The following RCAN2 variants were observed in gnomAD, a reference collection of about 807,000 sequenced individuals.
RCAN2 encodes the protein calcipressin-2.
Under a neutral mutation model 23.6 loss-of-function variants are expected in RCAN2, and 9 were observed. The observed-to-expected ratio is 0.38, with a 90% CI of 0.23 to 0.67. The LOEUF is 0.67. Among genes scored for constraint, RCAN2 ranks in the 30% least tolerant of loss-of-function variants. RCAN2 has a pLI of 0.51. For synonymous variants in RCAN2, 109 were observed against 115.7 expected (o/e 0.94, Z 0.37); for missense variants, 273 against 302.3 (o/e 0.90, Z 0.72).
At chr6:46,453,315 T>C (rs1419863050) in intron 2 of RCAN2, among the ~76,000 whole-genome samples, 1 of 152,254 alleles carries the variant, frequency 6.6e-6, no homozygotes, top group Non-Finnish European at 1.5e-5. Context: ...TGGTTTCAGA[T>C]GCCAATTTCC....
intron 2 of RCAN2, among the ~76,000 whole-genome samples, chr6:46,342,543 C>A (rs894604867): frequency 8.4e-5 from 6 of 71,504 alleles, no homozygotes; most frequent in Admixed American, 3.2e-4. Flanking sequence ...TAGGGTGAGA[C>A]CCTGTCTCTT....
chr6:46,280,658 AAT>A (rs1487626718), intron 2 of RCAN2, among the ~76,000 whole-genome samples: 2 of 152,230 alleles, frequency 1.3e-5, no homozygotes, highest in African/African-American at 4.8e-5. Flanking sequence ...AGCCTTGGAG[AAT>A]ACTGCCAAGA....
intron 2 of RCAN2, among the ~76,000 whole-genome samples, chr6:46,282,411 G>A (rs188414532): frequency 1.1e-3 from 162 of 151,800 alleles, no homozygotes; most frequent in Non-Finnish European, 1.2e-3. Flanking sequence ...TTAGCCGGCT[G>A]TGGTGGCTGG....
chr6:46,330,236 G>A (rs1763922631), intron 2 of RCAN2, among the ~76,000 whole-genome samples: 2 of 152,182 alleles, frequency 1.3e-5, no homozygotes, highest in Admixed American at 6.5e-5. Context: ...CATCACTAGT[G>A]AGCTTATTAG....
At chr6:46,474,219 G>T (rs1388098558) in intron 1 of RCAN2, among the ~76,000 whole-genome samples, 3 of 151,914 alleles carry the variant, frequency 2.0e-5, no homozygotes, top group African/African-American at 2.4e-5. Context: ...GGTAGTGGGG[G>T]GTAGCTGGGG....
chr6:46,474,177 T>C (rs1243001256), intron 1 of RCAN2, among the ~76,000 whole-genome samples: 1 of 148,454 alleles, frequency 6.7e-6, no homozygotes, highest in African/African-American at 2.5e-5. Context: ...GGTGAATAGG[T>C]AGAGAGGAAT....
At chr6:46,374,975 C>T (rs1206309247) in intron 2 of RCAN2, among the ~76,000 whole-genome samples, 1 of 152,108 alleles carries the variant, frequency 6.6e-6, no homozygotes, top group Non-Finnish European at 1.5e-5. Context: ...GACATGATCT[C>T]GGCTCACTGC....
At chr6:46,452,405 C>T (rs1426193578) in intron 2 of RCAN2, among the ~76,000 whole-genome samples, 1 of 152,224 alleles carries the variant, frequency 6.6e-6, no homozygotes, top group Non-Finnish European at 1.5e-5. Flanking sequence ...TGTTGCATTA[C>T]ATGTTCATGA....
chr6:46,446,204 C>T (rs1196576585), intron 2 of RCAN2, among the ~76,000 whole-genome samples: 1 of 149,528 alleles, frequency 6.7e-6, no homozygotes, highest in Non-Finnish European at 1.5e-5. Context: ...AATGAAGTTC[C>T]TATAAGGCTA....
chr6:46,223,898 C>T (rs1214385576), intron 4 of RCAN2, among the ~76,000 whole-genome samples: 1 of 152,168 alleles, frequency 6.6e-6, no homozygotes, highest in Non-Finnish European at 1.5e-5. Context: ...AGTCAAATGG[C>T]TGTTAGCTGA....
rs1012088747 is a variant in RCAN2, at chr6:46,221,800, G to A, written c.*1341C>T. On this transcript the variant is annotated 3_prime_UTR_variant, in exon 5 of 5. Coordinates refer to ENST00000371374, the MANE Select transcript of RCAN2 (RefSeq NM_001251974.2). ...TTTGCATCTAAAGTAATTCATTAAT[G>A]TACAGGAGTAGATGAGGCCTGGCAC... 5 of 396,608 alleles carry A rather than the reference G, an allele frequency of 1.3e-5. No individual in the cohort carries two copies. Among genetic ancestry groups the A allele is most frequent in the Admixed American group, 4.4e-5 (1 of 22,698 alleles). 24.6% of individuals were successfully genotyped at this position (396,608 alleles called of 1,614,324 possible).
chr6:46,384,529 TG>T (rs1765692539), intron 2 of RCAN2, among the ~76,000 whole-genome samples: 1 of 152,246 alleles, frequency 6.6e-6, no homozygotes, highest in Non-Finnish European at 1.5e-5. Flanking sequence ...ATGTAATTTT[TG>T]TTAATTTTTA....
intron 2 of RCAN2, among the ~76,000 whole-genome samples, chr6:46,411,924 T>C (rs1378163539): frequency 6.6e-6 from 1 of 152,086 alleles, no homozygotes; most frequent in Non-Finnish European, 1.5e-5. Flanking sequence ...TGATGGGAAG[T>C]GATTGGAGGG....
rs147813809 is a variant in RCAN2, at chr6:46,448,196, C to T, written c.225+8556G>A. Among the ~76,000 whole-genome samples the T allele has an allele frequency of 1.7e-3, 264 of 151,798 alleles. 1 individual carries two copies. Among genetic ancestry groups the T allele is most frequent in the African/African-American group, 6.0e-3 (251 of 41,510 alleles). ...GAATACAAAAGATCATAGGAAATTA[C>T]TATGAACAATTATATGCCAACAGTT... On this transcript the variant is annotated intron_variant, in intron 2 of 4. Transcript: ENST00000371374.
In RCAN2 at chr6:46,343,147, G is replaced by A. The variant is rs990710664; in HGVS notation, c.226-94251C>T. On this transcript the variant is annotated intron_variant, in intron 2 of 4. Transcript: ENST00000371374. ...AACAGAAAATATCAAGCAGGAAGAA[G>A]AAAAAGACATTATATACAGGAGAAC... Among the ~76,000 whole-genome samples the A allele has an allele frequency of 2.6e-5, 4 of 152,058 alleles. 1 individual carries two copies. Among genetic ancestry groups the A allele is most frequent in the African/African-American group, 9.6e-5 (4 of 41,484 alleles).
At chr6:46,227,740 G>C (rs774987414) in intron 4 of RCAN2, among the ~76,000 whole-genome samples, 1 of 151,528 alleles carries the variant, frequency 6.6e-6, no homozygotes, top group African/African-American at 2.4e-5. Context: ...ACCAGATCCC[G>C]GATTCATTAA....
intron 4 of RCAN2, among the ~76,000 whole-genome samples, chr6:46,226,492 G>A (rs1765670111): frequency 6.6e-6 from 1 of 152,106 alleles, no homozygotes; most frequent in South Asian, 2.1e-4. Flanking sequence ...TCTTGAAGAG[G>A]TCCTTCACAT....
chr6:46,230,597 T>C (rs1765849914), intron 4 of RCAN2, among the ~76,000 whole-genome samples: 1 of 152,194 alleles, frequency 6.6e-6, no homozygotes, highest in Non-Finnish European at 1.5e-5. Flanking sequence ...TATAATCTCC[T>C]GGTGTGCCGT....
At chr6:46,238,273 G>A (rs766497050) in intron 4 of RCAN2, among the ~76,000 whole-genome samples, 24 of 152,132 alleles carry the variant, frequency 1.6e-4, no homozygotes, top group Non-Finnish European at 3.2e-4. Context: ...TGCACACATC[G>A]CCGACCCCTT....
Sources: gnomAD v4.1 joint callset for allele counts (sites outside exome capture counted in the v4.1 genomes callset) on GRCh38, gnomAD v4.1.1 for gene constraint, MANE v1.5 for transcripts, NCBI Gene and HGNC (gene_info 2026-07-23, HGNC 2026-07-21) for gene names.